ADAP2: variants seen among roughly 807,000 people sequenced by gnomAD.
ADAP2 encodes the protein arf-GAP with dual PH domain-containing protein 2.
In ADAP2, 42 loss-of-function variants were observed where a neutral mutation model predicts 54.9. The observed-to-expected ratio is 0.77, with a 90% CI of 0.60 to 0.99. ADAP2 has a LOEUF of 0.99. ADAP2 is among the 50% of genes least tolerant of loss of function. ADAP2 has a pLI of 0.00. For synonymous variants in ADAP2, 177 were observed against 180.1 expected (o/e 0.98, Z 0.14); for missense variants, 429 against 480.4 (o/e 0.89, Z 1.00).
intron 2 of ADAP2, among the ~76,000 whole-genome samples, chr17:30,924,898 G>A (rs547857482): frequency 6.8e-5 from 10 of 147,934 alleles, no homozygotes; most frequent in Non-Finnish European, 1.2e-4. Context: ...TTGAGACGGA[G>A]TTTCACTCTT....
chr17:30,941,675 T>A (rs758710132), intron 5 of ADAP2, among the ~76,000 whole-genome samples: 1 of 152,200 alleles, frequency 6.6e-6, no homozygotes. Flanking sequence ...TCCATGAACT[T>A]TTCTAAGTCA....
intron 9 of ADAP2, among the ~76,000 whole-genome samples, 174 bp from the exon 10 acceptor site, chr17:30,956,067 A>G (rs888147988): frequency 2.6e-5 from 4 of 152,074 alleles, no homozygotes; most frequent in Admixed American, 6.6e-5. Context: ...TCAATAGATG[A>G]TGTGTATGAT....
At chr17:30,944,767 G>A in intron 5 of ADAP2, 140 bp from the exon 6 acceptor site, 1 of 921,658 alleles carries the variant, frequency 1.1e-6, no homozygotes, top group Non-Finnish European at 1.6e-6. Flanking sequence ...GCCAGTATCT[G>A]AATTTCGATA....
chr17:30,958,901 AT>A lies in ADAP2; in HGVS notation c.*1033del, dbSNP rs1905261420. On this transcript the variant is annotated 3_prime_UTR_variant, in exon 11 of 11. Coordinates refer to ENST00000330889, the MANE Select transcript of ADAP2 (RefSeq NM_018404.3). ...AGACCCTATCTCAAAAAAAAAAAAA[AT>A]CTATGCATTGTATGGGACTTTCCTT... 6.6e-6 allele frequency: 1 copy of A among 151,810 alleles called. No homozygotes were observed. Among genetic ancestry groups the A allele is most frequent in the South Asian group, 2.1e-4 (1 of 4,820 alleles). The allele number at this position is 151,810 out of a possible 1,614,324, so 9.4% of individuals were successfully genotyped here. A position where few individuals can be genotyped will look rare whatever the true frequency, so the allele number is the denominator to read the frequency against.
chr17:30,926,694 G>T lies in ADAP2; in HGVS notation c.226-133G>T, dbSNP rs191535403. On this transcript the variant is annotated intron_variant, in intron 2 of 10. Coordinates refer to ENST00000330889, the MANE Select transcript of ADAP2 (RefSeq NM_018404.3). ...CAGGCTGGGGCTTCCCAGCAGTATG[G>T]ATGACCAAGCCCGGTGGGACATCTC... 5.4e-6 allele frequency: 4 copies of T among 737,438 alleles called. No individual in the cohort carries two copies. In the East Asian group the frequency reaches 1.1e-4, roughly 20 times the overall value. 45.7% of individuals were successfully genotyped at this position (737,438 alleles called of 1,614,324 possible).
At chr17:30,945,438 C>T (rs1567723055) in intron 6 of ADAP2, among the ~76,000 whole-genome samples, 1 of 152,124 alleles carries the variant, frequency 6.6e-6, no homozygotes, top group Non-Finnish European at 1.5e-5. Context: ...GTGGTCCTGG[C>T]CCAACAGCAT....
Position 30,922,960 on chromosome 17 carries a change from A to C in ADAP2, c.115A>C (p.Lys39Gln). The C allele has an allele frequency of 6.2e-7, 1 of 1,613,730 alleles. No individual in the cohort carries two copies. The highest frequency in any genetic ancestry group is 1.6e-4 in the Middle Eastern group (1 of 6,062). Residue 39 changes from lysine (K) to glutamine (Q), a missense_variant, in exon 2 of 11, where the codon AAG (lysine) becomes CAG (glutamine). Physicochemically the swap from Lys to Gln is moderately conservative, Grantham distance 53. Transcript: ENST00000330889. The stretch of plus-strand genomic sequence containing the variant: ...TGCAGATCCCGACTGGGCCTCTTAC[A>C]AGCTGGGGATCTTCATCTGTCTCAA... The part of the protein sequence containing the change: ...GAADPDWASY[K>Q]LGIFICLNCC...
At chr17:30,926,630 G>A (rs1036243489) in intron 2 of ADAP2, among the ~76,000 whole-genome samples, 197 bp from the exon 3 acceptor site, 1 of 152,172 alleles carries the variant, frequency 6.6e-6, no homozygotes, top group Non-Finnish European at 1.5e-5. Context: ...GGAGTCCTGT[G>A]CCCATATGAG....
At chr17:30,923,110 A>G in intron 2 of ADAP2, 40 bp downstream of exon 2, 1 of 1,610,016 alleles carries the variant, frequency 6.2e-7, no homozygotes, top group Non-Finnish European at 8.5e-7. Context: ...GAACTGCGGG[A>G]CTGGAGTAGA....
At chr17:30,955,504 C>T (rs1480450047) in intron 9 of ADAP2, among the ~76,000 whole-genome samples, 2 of 151,840 alleles carry the variant, frequency 1.3e-5, no homozygotes, top group South Asian at 2.1e-4. Flanking sequence ...CTCAGGAGTT[C>T]GAGACTAGCC....
intron 5 of ADAP2, among the ~76,000 whole-genome samples, chr17:30,944,027 C>T (rs766592603): frequency 6.6e-6 from 1 of 150,658 alleles, no homozygotes; most frequent in Non-Finnish European, 1.5e-5. Flanking sequence ...CCCGTTTCTA[C>T]TAAAAATACA....
In ADAP2 at chr17:30,947,791, A is replaced by G. The variant is rs140421898; in HGVS notation, c.658-1496A>G. Among the ~76,000 whole-genome samples the G allele has an allele frequency of 2.5e-3, 376 of 152,334 alleles. 1 individual carries two copies. Among genetic ancestry groups the G allele is most frequent in the African/African-American group, 8.6e-3 (358 of 41,578 alleles). ...TTCAGATGACTTTCTCAATCACCAC[A>G]TTATATCAAAGTCACAAACTACCAC... On this transcript the variant is annotated intron_variant, in intron 6 of 10. Coordinates refer to ENST00000330889, the MANE Select transcript of ADAP2 (RefSeq NM_018404.3).
chr17:30,941,573 C>T (rs1912271650), intron 5 of ADAP2, among the ~76,000 whole-genome samples: 2 of 152,184 alleles, frequency 1.3e-5, no homozygotes, highest in African/African-American at 4.8e-5. Context: ...CAAACAAAAT[C>T]CCACTCAGAC....
At position 30,949,379 on chromosome 17, in the gene ADAP2, A is replaced by C. The variant is rs1904418853; in HGVS notation, c.741+9A>C. 6.2e-7 allele frequency: 1 copy of C among 1,611,976 alleles called. No homozygotes were observed. The highest frequency in any genetic ancestry group is 1.3e-5 in the African/African-American group (1 of 74,876). On this transcript the variant is annotated intron_variant, in intron 7 of 10. Transcript: ENST00000330889. ...AACTCCCAGAGTCTGAGGTGAGCTA[A>C]ATGCGGACCCCAATTTCTGAATCTC...
intron 7 of ADAP2, 108 bp from the exon 8 acceptor site, chr17:30,953,180 G>T (rs769522049): frequency 3.3e-6 from 3 of 922,340 alleles, no homozygotes; most frequent in Non-Finnish European, 5.3e-6. Context: ...AGCCATGAGC[G>T]TACATCCTTC....
chr17:30,953,209 T>G (rs760755537), intron 7 of ADAP2, 79 bp from the exon 8 acceptor site: 11 of 1,393,126 alleles, frequency 7.9e-6, no homozygotes, highest in African/African-American at 1.4e-5. Context: ...AAACTTCCCC[T>G]TTGTCGGGAG....
At position 30,922,029 on chromosome 17, in the gene ADAP2, G is replaced by A; in HGVS notation, c.15G>A (p.Glu5=). Residue 5 remains glutamate (E), a synonymous_variant, in exon 1 of 11, where the codon GAG becomes GAA. Coordinates refer to ENST00000330889, the MANE Select transcript of ADAP2 (RefSeq NM_018404.3). ...CCGGGCCGGCCATGGGCGATCGCGA[G>A]CGCAACAAGAAGCGGCTGCTGGAGC... MGDR[E]RNKKRLLELL... is the part of the protein sequence containing the mutation. 7.8e-7 allele frequency: 1 copy of A among 1,278,234 alleles called. No individual in the cohort carries two copies. 79.2% of individuals were successfully genotyped at this position (1,278,234 alleles called of 1,614,324 possible).
chr17:30,943,358 T>C lies in ADAP2; in HGVS notation c.511-1549T>C, dbSNP rs186946284. Reference sequence around the variant, plus strand: ...CCAGCCTGGGCAACAAGAGTGAAACTCAGTCTGAAAAAAAAAAAGGAAAGA... The same window carrying C: ...CCAGCCTGGGCAACAAGAGTGAAACCCAGTCTGAAAAAAAAAAAGGAAAGA... On this transcript the variant is annotated intron_variant, in intron 5 of 10. Coordinates refer to ENST00000330889, the MANE Select transcript of ADAP2 (RefSeq NM_018404.3). Among the ~76,000 whole-genome samples, 346 of 144,472 alleles carry C rather than the reference T, an allele frequency of 2.4e-3. 3 individuals are homozygous for C. Among genetic ancestry groups the C allele is most frequent in the African/African-American group, 8.6e-3 (334 of 38,916 alleles). 94.8% of individuals were successfully genotyped at this position (144,472 alleles called of 152,430 possible).
chr17:30,926,807 AG>A lies in ADAP2; in HGVS notation c.226-18del, dbSNP rs754116025. 6.2e-7 allele frequency: 1 copy of A among 1,610,076 alleles called. No individual in the cohort carries two copies. The highest frequency in any genetic ancestry group is 1.7e-5 in the Admixed American group (1 of 59,998). On this transcript the variant is annotated intron_variant, in intron 2 of 10. Transcript: ENST00000330889. Reference sequence around the variant, plus strand: ...TTTTTTCAAGTTCTAATATTACCTCAGGTTGCTGTTGTCTTGCAGTTTATGA... The same window carrying A: ...TTTTTTCAAGTTCTAATATTACCTCAGTTGCTGTTGTCTTGCAGTTTATGA...
Sources: allele counts gnomAD v4.1 joint callset (sites outside exome capture counted in the v4.1 genomes callset), GRCh38; gene constraint gnomAD v4.1.1; transcripts MANE v1.5; gene names NCBI Gene and HGNC (gene_info 2026-07-23, HGNC 2026-07-21).